Variants in CENPW observed in about 807,000 individuals in gnomAD.
CENPW encodes the protein cancer-up-regulated gene 2 protein.
In CENPW, 3 loss-of-function variants were observed where a neutral mutation model predicts 11.1. The ratio of observed to expected loss-of-function variants is 0.27; its 90% CI spans 0.12 to 0.70. CENPW has a LOEUF of 0.70. CENPW is among the 30% of genes least tolerant of loss of function. The pLI is 0.77. For missense variants in CENPW, 100 were observed against 105.6 expected (o/e 0.95, Z 0.23); for synonymous variants, 38 against 42.0 (o/e 0.91, Z 0.37).
chr6:126,441,679 C>T, the CENPW span, among the ~76,000 whole-genome samples: 1 of 151,488 alleles, frequency 6.6e-6, no homozygotes, highest in Non-Finnish European at 1.5e-5. Flanking sequence ...AGTTTAGCCC[C>T]CACTTATGAG....
chr6:126,345,191 A>G (rs1780384789), intron 1 of CENPW, among the ~76,000 whole-genome samples: 1 of 151,822 alleles, frequency 6.6e-6, no homozygotes, highest in South Asian at 2.1e-4. Context: ...GTTGGTTTGG[A>G]TGGTGATTTT....
chr6:126,409,074 T>C, the CENPW span, among the ~76,000 whole-genome samples: 1 of 152,152 alleles, frequency 6.6e-6, no homozygotes, highest in African/African-American at 2.4e-5. Context: ...ACTTTTTTGG[T>C]GTAGGTACTT....
At position 126,348,744 on chromosome 6, in the gene CENPW, C is replaced by T. The variant is rs1462564856; in HGVS notation, c.*252C>T. ...TCAGTTTGCTTTTGTTTTGTTGCTGCTGCAAATATTTTATGTATCAAAAAT... is the reference window on the plus strand; with the variant it reads ...TCAGTTTGCTTTTGTTTTGTTGCTGTTGCAAATATTTTATGTATCAAAAAT... On this transcript the variant is annotated 3_prime_UTR_variant, in exon 3 of 3. Coordinates refer to ENST00000368328, the MANE Select transcript of CENPW (RefSeq NM_001012507.4). 7.4e-6 allele frequency: 2 copies of T among 270,956 alleles called. No individual in the cohort carries two copies. Among genetic ancestry groups the T allele is most frequent in the Non-Finnish European group, 1.4e-5 (2 of 145,178 alleles). The allele number at this position is 270,956 out of a possible 1,614,324, so 16.8% of individuals were successfully genotyped here.
At chr6:126,355,673 T>C in the CENPW span, among the ~76,000 whole-genome samples, 1 of 152,172 alleles carries the variant, frequency 6.6e-6, no homozygotes, top group South Asian at 2.1e-4. Context: ...AAAGGCTATG[T>C]TGAATATCAG....
the CENPW span, among the ~76,000 whole-genome samples, chr6:126,363,190 C>T: frequency 7.2e-5 from 11 of 152,028 alleles, no homozygotes; most frequent in Admixed American, 2.0e-4. Flanking sequence ...AAAAGTGGTT[C>T]GTATTCAGAT....
the CENPW span, among the ~76,000 whole-genome samples, chr6:126,459,329 CA>C: frequency 6.6e-6 from 1 of 150,938 alleles, no homozygotes; most frequent in South Asian, 2.1e-4. Flanking sequence ...CAATTAGTAA[CA>C]ATGAAAAAGA....
chr6:126,375,681 A>G, the CENPW span, among the ~76,000 whole-genome samples: 4 of 150,762 alleles, frequency 2.7e-5, no homozygotes, highest in Admixed American at 2.0e-4. Context: ...TTTCTCTCCT[A>G]TTTTACTTCT....
At chr6:126,367,403 T>G in the CENPW span, among the ~76,000 whole-genome samples, 1 of 151,894 alleles carries the variant, frequency 6.6e-6, no homozygotes, top group African/African-American at 2.4e-5. Context: ...ATGTACAAGA[T>G]TTGGATCAGA....
chr6:126,470,891 T>C, the CENPW span, among the ~76,000 whole-genome samples: 1 of 152,224 alleles, frequency 6.6e-6, no homozygotes, highest in Non-Finnish European at 1.5e-5. Context: ...AATGAGAACA[T>C]TTACCCAATG....
the CENPW span, among the ~76,000 whole-genome samples, chr6:126,428,906 C>T: frequency 6.6e-6 from 1 of 152,004 alleles, no homozygotes; most frequent in Admixed American, 6.6e-5. Context: ...ATAACTTTTG[C>T]TACTGTTTTT....
At position 126,348,523 on chromosome 6, in the gene CENPW, A is replaced by G; in HGVS notation, c.*31A>G. 1.5e-6 allele frequency: 2 copies of G among 1,369,970 alleles called. No individual in the cohort carries two copies. Among genetic ancestry groups the G allele is most frequent in the South Asian group, 1.2e-5 (1 of 84,456 alleles). The allele number at this position is 1,369,970 out of a possible 1,614,324, so 84.9% of individuals were successfully genotyped here. On this transcript the variant is annotated 3_prime_UTR_variant, in exon 3 of 3. Coordinates refer to ENST00000368328, the MANE Select transcript of CENPW (RefSeq NM_001012507.4). ...AAAGAACATATTCTTGAAAGTTATG[A>G]TGCATTCTTTTGGGTGGTAACAGAT...
chr6:126,410,907 G>T, the CENPW span, among the ~76,000 whole-genome samples: 1 of 151,800 alleles, frequency 6.6e-6, no homozygotes, highest in Non-Finnish European at 1.5e-5. Flanking sequence ...TTGTTGAGTT[G>T]TCAATCTGTA....
At chr6:126,464,674 T>G in the CENPW span, among the ~76,000 whole-genome samples, 1 of 152,184 alleles carries the variant, frequency 6.6e-6, no homozygotes, top group Non-Finnish European at 1.5e-5. Flanking sequence ...GGCCACAGAC[T>G]GAAGGCTGCA....
At chr6:126,381,847 C>T in the CENPW span, among the ~76,000 whole-genome samples, 1 of 152,118 alleles carries the variant, frequency 6.6e-6, no homozygotes, top group African/African-American at 2.4e-5. Context: ...AGTACCAGTC[C>T]CCTAAAGTTA....
chr6:126,343,527 G>A (rs1365486658), intron 1 of CENPW, among the ~76,000 whole-genome samples: 1 of 152,178 alleles, frequency 6.6e-6, no homozygotes, highest in East Asian at 1.9e-4. Flanking sequence ...GAGCAAGGAA[G>A]CCAGTCCCAG....
the CENPW span, among the ~76,000 whole-genome samples, chr6:126,401,823 A>G: frequency 2.6e-5 from 4 of 152,016 alleles, no homozygotes; most frequent in African/African-American, 9.7e-5. Context: ...CTGTGGAGAA[A>G]AGCCTGAGAG....
chr6:126,395,083 A>C, the CENPW span, among the ~76,000 whole-genome samples: 2 of 151,986 alleles, frequency 1.3e-5, no homozygotes, highest in Admixed American at 1.3e-4. Context: ...ATCTTTCTCT[A>C]GGTTTGGGAA....
the CENPW span, among the ~76,000 whole-genome samples, chr6:126,374,581 T>C: frequency 3.7e-4 from 57 of 152,292 alleles, no homozygotes; most frequent in African/African-American, 1.4e-3. Context: ...TGAGATCACA[T>C]TTGTCAGCAC....
the CENPW span, among the ~76,000 whole-genome samples, chr6:126,365,280 C>T: frequency 2.0e-4 from 31 of 152,248 alleles, no homozygotes; most frequent in Admixed American, 2.0e-3. Flanking sequence ...CTGTATTAGT[C>T]TGTTGTCACA....
Sources: gnomAD v4.1 joint callset for allele counts (sites outside exome capture counted in the v4.1 genomes callset) on GRCh38, gnomAD v4.1.1 for gene constraint, MANE v1.5 for transcripts, NCBI Gene and HGNC (gene_info 2026-07-23, HGNC 2026-07-21) for gene names.